Variants in LDLRAD3 observed in about 807,000 individuals in gnomAD.
LDLRAD3 encodes low density lipoprotein receptor class A domain containing 3.
In LDLRAD3, 20 loss-of-function variants were observed where a neutral mutation model predicts 29.4. The ratio of observed to expected loss-of-function variants is 0.68; its 90% CI spans 0.48 to 0.99. LDLRAD3 has a LOEUF of 0.99. Among genes scored for constraint, LDLRAD3 ranks in the 50% least tolerant of loss-of-function variants. The pLI, the probability that LDLRAD3 is intolerant of heterozygous loss-of-function variation, is 0.00. For synonymous variants in LDLRAD3, 157 were observed against 192.7 expected (o/e 0.81, Z 1.53); for missense variants, 420 against 454.3 (o/e 0.92, Z 0.69).
At position 36,210,239 on chromosome 11, in the gene LDLRAD3, C is replaced by T. The variant is rs1037840519; in HGVS notation, c.455-16846C>T. 7.2e-5 allele frequency among the ~76,000 whole-genome samples: 11 copies of T among 152,238 alleles called. No homozygotes were observed. In the South Asian group the frequency reaches 2.3e-3, roughly 32 times the overall value. Reference sequence around the variant, plus strand: ...TGAGTGAATTCATTCTGCTGCCTGCCCTCCGTGGGATTCATCTTTGTATCA... The same window carrying T: ...TGAGTGAATTCATTCTGCTGCCTGCTCTCCGTGGGATTCATCTTTGTATCA... On this transcript the variant is annotated intron_variant, in intron 4 of 5. Transcript: ENST00000315571.
At chr11:35,949,245 A>G (rs760411725) in intron 1 of LDLRAD3, among the ~76,000 whole-genome samples, 11 of 152,088 alleles carry the variant, frequency 7.2e-5, no homozygotes, top group Non-Finnish European at 1.5e-4. Flanking sequence ...GGAATTTTCT[A>G]TATGTGGTTT....
intron 1 of LDLRAD3, among the ~76,000 whole-genome samples, chr11:35,990,448 C>T (rs961085031): frequency 6.6e-5 from 10 of 151,958 alleles, no homozygotes; most frequent in Non-Finnish European, 1.2e-4. Flanking sequence ...GATGGAATCT[C>T]GCTCTGTCAC....
intron 4 of LDLRAD3, among the ~76,000 whole-genome samples, chr11:36,156,113 G>A (rs1052963381): frequency 6.6e-5 from 10 of 152,182 alleles, no homozygotes; most frequent in African/African-American, 9.7e-5. Context: ...AGAGCCTTGC[G>A]ATGTGTCAGA....
chr11:36,196,678 A>G (rs542616521), intron 4 of LDLRAD3: 49 of 152,336 alleles, frequency 3.2e-4, no homozygotes, highest in African/African-American at 1.2e-3. Flanking sequence ...TGGTACACGC[A>G]GTCCTAATCC....
At chr11:36,141,642 A>G (rs562629264) in intron 4 of LDLRAD3, among the ~76,000 whole-genome samples, 19 of 152,314 alleles carry the variant, frequency 1.2e-4, no homozygotes, top group Middle Eastern at 6.8e-3. Context: ...AAAGGGAGAC[A>G]GGGATGGGTG....
At chr11:36,113,697 A>G (rs527626257) in intron 4 of LDLRAD3, among the ~76,000 whole-genome samples, 2 of 138,948 alleles carry the variant, frequency 1.4e-5, no homozygotes, top group East Asian at 4.3e-4. Flanking sequence ...TTTTTGAGAC[A>G]GAGTCTTGCT....
intron 4 of LDLRAD3, among the ~76,000 whole-genome samples, chr11:36,209,229 A>T (rs1217370354): frequency 6.6e-6 from 1 of 152,200 alleles, no homozygotes; most frequent in Admixed American, 6.5e-5. Context: ...GCAAAATTTG[A>T]ATCAATTCTA....
At chr11:35,968,056 C>A in intron 1 of LDLRAD3, 1 of 464,520 alleles carries the variant, frequency 2.2e-6, no homozygotes. Context: ...CCAATTTTTT[C>A]TACCTCCGAG....
chr11:36,210,728 T>C (rs1010524303), intron 4 of LDLRAD3, among the ~76,000 whole-genome samples: 9 of 152,312 alleles, frequency 5.9e-5, no homozygotes, highest in Admixed American at 5.9e-4. Context: ...CAGGCAGTAT[T>C]GCTCAACCAC....
chr11:36,187,634 T>C (rs1166305459), intron 4 of LDLRAD3, among the ~76,000 whole-genome samples: 1 of 152,236 alleles, frequency 6.6e-6, no homozygotes, highest in Non-Finnish European at 1.5e-5. Context: ...AAGAGTTTCA[T>C]CTGACTTATC....
intron 4 of LDLRAD3, among the ~76,000 whole-genome samples, chr11:36,190,569 C>A (rs560855215): frequency 2.6e-5 from 4 of 151,786 alleles, no homozygotes; most frequent in African/African-American, 9.7e-5. Context: ...TAGAAAAACA[C>A]AAGGAAATTG....
chr11:36,146,095 C>G (rs1854189728), intron 4 of LDLRAD3, among the ~76,000 whole-genome samples: 1 of 151,798 alleles, frequency 6.6e-6, no homozygotes, highest in Non-Finnish European at 1.5e-5. Flanking sequence ...AGGTAAATAG[C>G]CAAATGAATG....
At chr11:36,091,460 T>G (rs931237960) in intron 3 of LDLRAD3, among the ~76,000 whole-genome samples, 42 of 152,154 alleles carry the variant, frequency 2.8e-4, no homozygotes, top group African/African-American at 9.2e-4. Context: ...AATTAACCAC[T>G]AAGCGGTTCC....
chr11:36,185,141 T>A (rs185026887), intron 4 of LDLRAD3, among the ~76,000 whole-genome samples: 19 of 152,314 alleles, frequency 1.2e-4, no homozygotes, highest in African/African-American at 4.6e-4. Context: ...TATAGAACCA[T>A]TCCTCTGTTT....
chr11:36,216,112 T>C (rs1293756756), intron 4 of LDLRAD3, among the ~76,000 whole-genome samples: 1 of 152,152 alleles, frequency 6.6e-6, no homozygotes, highest in African/African-American at 2.4e-5. Flanking sequence ...GAACCTTAAC[T>C]GATGTGGCCT....
chr11:36,128,274 C>G (rs941625064), intron 4 of LDLRAD3, among the ~76,000 whole-genome samples: 1 of 151,948 alleles, frequency 6.6e-6, no homozygotes, highest in African/African-American at 2.4e-5. Context: ...GGGTCTGGCC[C>G]AGGGACAGGG....
chr11:36,152,836 CT>C (rs1854295841), intron 4 of LDLRAD3, among the ~76,000 whole-genome samples: 1 of 152,172 alleles, frequency 6.6e-6, no homozygotes, highest in African/African-American at 2.4e-5. Context: ...TACATTGTGC[CT>C]GTGAGTACAA....
At chr11:36,138,331 G>T (rs143644207) in intron 4 of LDLRAD3, among the ~76,000 whole-genome samples, 1 of 152,400 alleles carries the variant, frequency 6.6e-6, no homozygotes, top group African/African-American at 2.4e-5. Flanking sequence ...CTAGCACAGT[G>T]CCTGGCACAT....
chr11:35,956,936 C>A (rs1851207988), intron 1 of LDLRAD3, among the ~76,000 whole-genome samples: 1 of 152,122 alleles, frequency 6.6e-6, no homozygotes, highest in Non-Finnish European at 1.5e-5. Flanking sequence ...GGGGTTTCAC[C>A]ACGTTAGCCA....
Sources: gnomAD v4.1 joint callset for allele counts (sites outside exome capture counted in the v4.1 genomes callset) on GRCh38, gnomAD v4.1.1 for gene constraint, MANE v1.5 for transcripts, NCBI Gene and HGNC (gene_info 2026-07-23, HGNC 2026-07-21) for gene names.